CHIC1: variants seen among roughly 807,000 people sequenced by gnomAD.
CHIC1 encodes cysteine-rich hydrophobic domain-containing protein 1.
In CHIC1, 7 loss-of-function variants were observed where a neutral mutation model predicts 18.5. That is an observed-to-expected ratio of 0.38 (90% CI 0.22 to 0.71). CHIC1 has a LOEUF of 0.71. Among genes scored for constraint, CHIC1 ranks in the 30% least tolerant of loss-of-function variants. The pLI, the probability that CHIC1 is intolerant of heterozygous loss-of-function variation, is 0.49. For synonymous variants in CHIC1, 77 were observed against 73.5 expected, an observed-to-expected ratio of 1.05 and a Z score of -0.25; for missense variants, 159 against 176.9, an observed-to-expected ratio of 0.90 and a Z score of 0.57.
chrX:73,686,550 TA>T lies in CHIC1; in HGVS notation c.*5546del, dbSNP rs2058122879. 8.9e-6 allele frequency: 1 copy of T among 112,215 alleles called. No homozygotes were observed. Among genetic ancestry groups the T allele is most frequent in the African/African-American group, 3.2e-5 (1 of 30,964 alleles). 9.2% of individuals were successfully genotyped at this position (112,215 alleles called of 1,213,427 possible). On this transcript the variant is annotated 3_prime_UTR_variant, in exon 6 of 6. Coordinates refer to ENST00000373502, the MANE Select transcript of CHIC1 (RefSeq NM_001039840.4). The stretch of plus-strand genomic sequence containing the variant: ...GGCAATAATTTCTCAAATGTTCTTT[TA>T]TTTCTTTGTTTTTATCTCGACTTTT...
At chrX:73,645,752 ATTGGATTGTTTT>A (rs2057886235) in intron 3 of CHIC1, among the ~76,000 whole-genome samples, 1 of 111,437 alleles carries the variant, frequency 9.0e-6, no homozygotes, top group African/African-American at 3.3e-5. Flanking sequence ...ATTTTTGGTA[ATTGGATTGTTTT>A]ACTACAGTTT....
At chrX:73,640,147 G>T (rs2057848290) in intron 3 of CHIC1, among the ~76,000 whole-genome samples, 1 of 111,491 alleles carries the variant, frequency 9.0e-6, no homozygotes, top group South Asian at 3.7e-4. Flanking sequence ...CCATTATTCG[G>T]TATGGTGTTG....
At chrX:73,590,474 TA>T (rs2147556303) in intron 3 of CHIC1, among the ~76,000 whole-genome samples, 1 of 111,163 alleles carries the variant, frequency 9.0e-6, no homozygotes, top group East Asian at 2.9e-4. Flanking sequence ...TATAATTAAC[TA>T]AAGTCCATGG....
At chrX:73,616,663 C>T (rs1374600451) in intron 3 of CHIC1, among the ~76,000 whole-genome samples, 2 of 111,950 alleles carry the variant, frequency 1.8e-5, no homozygotes, top group African/African-American at 6.5e-5. Flanking sequence ...CGCACAGGAT[C>T]AACACCACAT....
intron 3 of CHIC1, among the ~76,000 whole-genome samples, chrX:73,644,401 T>G (rs2057876802): frequency 8.9e-6 from 1 of 112,156 alleles, no homozygotes; most frequent in African/African-American, 3.2e-5. Flanking sequence ...ACCACTACTC[T>G]CTTCAAAGCT....
At chrX:73,638,501 C>T (rs1221050472) in intron 3 of CHIC1, among the ~76,000 whole-genome samples, 2 of 111,080 alleles carry the variant, frequency 1.8e-5, no homozygotes, top group African/African-American at 3.3e-5. Flanking sequence ...CAAAACCTTT[C>T]CCCCCATTTT....
chrX:73,615,961 G>A (rs760347946), intron 3 of CHIC1, among the ~76,000 whole-genome samples: 37 of 111,246 alleles, frequency 3.3e-4, no homozygotes, highest in African/African-American at 1.1e-3. Flanking sequence ...GAGGGCAGTG[G>A]GGTTGTTACC....
Position 73,686,658 on chromosome X carries a change from A to C in CHIC1, c.*5653A>C, listed in dbSNP as rs995937960. On this transcript the variant is annotated 3_prime_UTR_variant, in exon 6 of 6. Transcript: ENST00000373502. ...TTGAAACAAGTAACAAGTGTTTGAA[A>C]GTATATAATCTACGAGCGAATTTGC... 1.8e-5 allele frequency: 2 copies of C among 111,664 alleles called. No homozygotes were observed. Among genetic ancestry groups the C allele is most frequent in the Non-Finnish European group, 3.8e-5 (2 of 53,003 alleles). 9.2% of individuals were successfully genotyped at this position (111,664 alleles called of 1,213,427 possible).
rs1170155647 is a variant in CHIC1 at position 73,686,851 on chromosome X, G to A, written c.*5846G>A. 1 of 111,317 alleles carries A rather than the reference G, an allele frequency of 9.0e-6. No homozygotes were observed. The highest frequency in any genetic ancestry group is 3.3e-5 in the African/African-American group (1 of 30,728). 9.2% of individuals were successfully genotyped at this position (111,317 alleles called of 1,213,427 possible). ...GCTTTACCAGAAAAGAATAATAGCG[G>A]ATATGTTCATCCAAACTAAGAACTT... is the stretch of plus-strand genomic sequence containing the variant. On this transcript the variant is annotated 3_prime_UTR_variant, in exon 6 of 6. Coordinates refer to ENST00000373502, the MANE Select transcript of CHIC1 (RefSeq NM_001039840.4).
intron 3 of CHIC1, among the ~76,000 whole-genome samples, chrX:73,640,354 C>A (rs2057849740): frequency 9.0e-6 from 1 of 111,563 alleles, no homozygotes; most frequent in African/African-American, 3.3e-5. Flanking sequence ...ATATATTGAA[C>A]CAAGCTTGCA....
intron 3 of CHIC1, among the ~76,000 whole-genome samples, chrX:73,642,010 T>A (rs760987103): frequency 7.7e-4 from 86 of 111,667 alleles, no homozygotes; most frequent in African/African-American, 2.8e-3. Context: ...GCAGCATGAT[T>A]TATAGTCCTT....
At chrX:73,607,682 C>T (rs896890309) in intron 3 of CHIC1, among the ~76,000 whole-genome samples, 7 of 108,463 alleles carry the variant, frequency 6.5e-5, no homozygotes, top group African/African-American at 2.5e-4. Flanking sequence ...GTAACTGGGC[C>T]GGAATGCATT....
intron 2 of CHIC1, among the ~76,000 whole-genome samples, chrX:73,583,136 A>G (rs2057535475): frequency 9.0e-6 from 1 of 111,288 alleles, no homozygotes. Flanking sequence ...TAATTTCACA[A>G]CTATTGTTTG....
At chrX:73,597,714 G>C (rs755379811) in intron 3 of CHIC1, among the ~76,000 whole-genome samples, 118 of 108,601 alleles carry the variant, frequency 1.1e-3, no homozygotes, top group Non-Finnish European at 1.9e-3. Flanking sequence ...GTGGATTGGT[G>C]CACCCAGCGA....
chrX:73,613,733 G>C (rs2057719650), intron 3 of CHIC1, among the ~76,000 whole-genome samples: 1 of 111,180 alleles, frequency 9.0e-6, no homozygotes, highest in African/African-American at 3.3e-5. Context: ...TGTTACTATT[G>C]GTAGATGAGA....
Position 73,679,769 on chromosome X carries a change from C to A in CHIC1, c.624+56C>A, listed in dbSNP as rs752724362. ...TTATTCATTCTAAATGTACCATTTT[C>A]CTGTGTTTATCATTTGTCAACTATT... On this transcript the variant is annotated intron_variant, in intron 5 of 5. Transcript: ENST00000373502. The A allele has an allele frequency of 7.6e-6, 5 of 659,915 alleles. No individual in the cohort carries two copies. In the South Asian group the frequency reaches 1.5e-4, roughly 19 times the overall value. 54.4% of individuals were successfully genotyped at this position (659,915 alleles called of 1,213,427 possible). A position where few individuals can be genotyped will look rare whatever the true frequency, so the allele number is the denominator to read the frequency against.
Position 73,584,591 on chromosome X carries a change from G to A in CHIC1, c.507+19G>A. 2 of 1,075,675 alleles carry A rather than the reference G, an allele frequency of 1.9e-6. No homozygotes were observed. The highest frequency in any genetic ancestry group is 2.3e-5 in the South Asian group (1 of 42,859). 88.6% of individuals were successfully genotyped at this position (1,075,675 alleles called of 1,213,427 possible). Reference sequence around the variant, plus strand: ...CAAAAGAGTGAGTAACTGTTTTATTGTATAATAATAATAATAACTAACATT... The same window carrying A: ...CAAAAGAGTGAGTAACTGTTTTATTATATAATAATAATAATAACTAACATT... On this transcript the variant is annotated intron_variant, in intron 3 of 5. Coordinates refer to ENST00000373502, the MANE Select transcript of CHIC1 (RefSeq NM_001039840.4).
chrX:73,584,399 G>A lies in CHIC1; in HGVS notation c.352-18G>A. On this transcript the variant is annotated intron_variant, in intron 2 of 5. Transcript: ENST00000373502. Reference sequence around the variant, plus strand: ...GAAAAGCTGCCCACAAACTGTTAAAGATTGTACCCTCTTGTAGGTGGCCCC... The same window carrying A: ...GAAAAGCTGCCCACAAACTGTTAAAAATTGTACCCTCTTGTAGGTGGCCCC... The A allele has an allele frequency of 8.5e-7, 1 of 1,176,826 alleles. No individual in the cohort carries two copies. Among genetic ancestry groups the A allele is most frequent in the Non-Finnish European group, 1.1e-6 (1 of 875,898 alleles).
At chrX:73,635,674 C>T (rs2057828484) in intron 3 of CHIC1, among the ~76,000 whole-genome samples, 1 of 111,754 alleles carries the variant, frequency 8.9e-6, no homozygotes, top group Non-Finnish European at 1.9e-5. Context: ...TCTTACAATT[C>T]ATTTTTTATT....
Sources: allele counts gnomAD v4.1 joint callset (sites outside exome capture counted in the v4.1 genomes callset), GRCh38; gene constraint gnomAD v4.1.1; transcripts MANE v1.5; gene names NCBI Gene and HGNC (gene_info 2026-07-23, HGNC 2026-07-21).